The following SPTBN2 variants were observed in gnomAD, a reference collection of about 807,000 sequenced individuals.
SPTBN2 encodes the protein spectrin beta, non-erythrocytic 2.
Under a neutral mutation model 284.2 loss-of-function variants are expected in SPTBN2, and 107 were observed. That is an observed-to-expected ratio of 0.38 (90% confidence interval 0.32 to 0.44). SPTBN2 has a LOEUF of 0.44. Ranked by LOEUF, SPTBN2 falls within the 20% of genes least tolerant of loss-of-function variation. The probability of loss-of-function intolerance (pLI) is 1.00; values close to 1 mark genes in which losing one functional copy is unlikely to be tolerated. For synonymous variants in SPTBN2, 1,289 were observed against 1,354.8 expected (o/e 0.95, Z 1.07); for missense variants, 2,569 against 3,287.1 (o/e 0.78, Z 5.34).
In SPTBN2 at chr11:66,700,142, T is replaced by TG. The variant is rs1481253769; in HGVS notation, c.3573+383dup. On this transcript the variant is annotated intron_variant, in intron 17 of 37. Transcript: ENST00000533211. This position sits in a 1 kb window ranked among gnomAD's most constrained non-coding sequence, Gnocchi z 6.6. ...AGTTAATTTTTTTTTTTCATAGAGA[T>TG]GGGGGTCTCACTATGTTGCCCAGGC... Among the ~76,000 whole-genome samples, 1 of 151,474 alleles carries TG rather than the reference T, an allele frequency of 6.6e-6. No individual in the cohort carries two copies. Among genetic ancestry groups the TG allele is most frequent in the African/African-American group, 2.4e-5 (1 of 41,176 alleles).
At chr11:66,737,750 C>T (rs1381965288) in intron 1 of SPTBN2, among the ~76,000 whole-genome samples, 2 of 152,122 alleles carry the variant, frequency 1.3e-5, no homozygotes, top group African/African-American at 2.4e-5. Flanking sequence ...CCTAAACACA[C>T]TAAATACACT....
intron 8 of SPTBN2, among the ~76,000 whole-genome samples, chr11:66,711,331 A>C (rs1203429770): frequency 1.3e-5 from 2 of 152,244 alleles, no homozygotes; most frequent in Non-Finnish European, 2.9e-5. Context: ...GAAAAGCAAG[A>C]AAAGAAACAG....
chr11:66,689,292 G>T, intron 29 of SPTBN2, 112 bp from the exon 30 acceptor site: 1 of 1,216,746 alleles, frequency 8.2e-7, no homozygotes, highest in Non-Finnish European at 1.1e-6. Flanking sequence ...TCTTTTTTTT[G>T]AGACGGAGTT....
Position 66,693,600 on chromosome 11 carries a change from C to T in SPTBN2, c.4594-154G>A, listed in dbSNP as rs1478393611. The stretch of plus-strand genomic sequence containing the variant: ...GCGATGGTAACACCCGTCAGCCGCC[C>T]AGCCCCCACTATCTCCTACTGAGAG... On this transcript the variant is annotated intron_variant, in intron 23 of 37. Transcript: ENST00000533211. This position sits in a 1 kb window ranked among gnomAD's most constrained non-coding sequence, Gnocchi z 5.7. Among the ~76,000 whole-genome samples the T allele has an allele frequency of 6.6e-6, 1 of 152,310 alleles. No individual in the cohort carries two copies. Among genetic ancestry groups the T allele is most frequent in the East Asian group, 1.9e-4 (1 of 5,180 alleles).
chr11:66,724,039 G>A (rs1442636590), intron 1 of SPTBN2, among the ~76,000 whole-genome samples: 3 of 152,130 alleles, frequency 2.0e-5, no homozygotes, highest in Non-Finnish European at 4.4e-5. Flanking sequence ...CCCCCGCTTC[G>A]GTTTCCATGA....
At chr11:66,694,946 G>A (rs571990771) in intron 21 of SPTBN2, among the ~76,000 whole-genome samples, 6 of 152,192 alleles carry the variant, frequency 3.9e-5, no homozygotes, top group Non-Finnish European at 8.8e-5. Flanking sequence ...CAAGAGATCC[G>A]GTGGCTCTTA....
Position 66,701,681 on chromosome 11 carries a change from G to T in SPTBN2, c.2719C>A (p.Gln907Lys). The T allele has an allele frequency of 5.0e-6, 8 of 1,614,050 alleles. No homozygotes were observed. Among genetic ancestry groups the T allele is most frequent in the Non-Finnish European group, 6.8e-6 (8 of 1,180,018 alleles). Residue 907 changes from glutamine (Q) to lysine (K), a missense_variant, in exon 16 of 38, where the codon CAA becomes AAA. Gln to Lys is a moderately conservative substitution (Grantham distance 53). Transcript: ENST00000533211. The part of the protein sequence containing the change: ...LEPEMNTLAA[Q>K]ITAVNDIAEQ... ...GCAATGTCATTCACCGCGGTGATTT[G>T]TGCTGCAAGGGTGTTCATTTCAGGC...
Position 66,700,792 on chromosome 11 carries a change from G to A in SPTBN2, c.3307C>T (p.Leu1103Phe). The A allele has an allele frequency of 1.2e-6, 2 of 1,601,362 alleles. No individual in the cohort carries two copies. Among genetic ancestry groups the A allele is most frequent in the Non-Finnish European group, 8.5e-7 (1 of 1,179,808 alleles). ...GPATLPEAEA[L>F]LAQHAALRGE... is the part of the protein sequence containing the mutation. ...CGCAGGGCTGCATGTTGGGCCAGGA[G>A]GGCCTCTGCCTCAGGCAGGGTGGCC... The change falls in exon 17 of 38, where the codon CTC becomes TTC. Residue 1103 changes from leucine (L) to phenylalanine (F), a missense_variant. Leu to Phe is a conservative substitution (Grantham distance 22). This residue lies in a region of SPTBN2 where 1,012 missense variants were observed against 1,248.9 expected (regional missense o/e 0.81). Coordinates refer to ENST00000533211, the MANE Select transcript of SPTBN2 (RefSeq NM_006946.4). The surrounding 1 kb of genome is among the most constrained non-coding windows in gnomAD (Gnocchi z 6.6).
intron 25 of SPTBN2, 27 bp downstream of exon 25, chr11:66,692,943 G>C (rs1485763735): frequency 2.5e-6 from 4 of 1,600,044 alleles, no homozygotes; most frequent in Non-Finnish European, 3.4e-6. Context: ...CCACCCCCAG[G>C]CTGGGCCGGG....
At chr11:66,731,064 A>C (rs1942805830), upstream of SPTBN2, among the ~76,000 whole-genome samples, 1 of 152,242 alleles carries the variant, frequency 6.6e-6, no homozygotes, top group Non-Finnish European at 1.5e-5. Context: ...CCTAGGATTC[A>C]GTTTCCTTAC....
chr11:66,721,921 C>A (rs949917138), intron 1 of SPTBN2, among the ~76,000 whole-genome samples: 2 of 152,020 alleles, frequency 1.3e-5, no homozygotes, highest in African/African-American at 4.8e-5. Flanking sequence ...GTGGCAGGCG[C>A]CTGTAATCCC....
In SPTBN2 at chr11:66,718,352, G is replaced by C. The variant is rs1942237919; in HGVS notation, c.158-2371C>G. Among the ~76,000 whole-genome samples the C allele has an allele frequency of 6.6e-6, 1 of 152,208 alleles. No homozygotes were observed. The highest frequency in any genetic ancestry group is 6.5e-5 in the Admixed American group (1 of 15,288). The stretch of plus-strand genomic sequence containing the variant: ...AAACACTGGAGTCACACTGTGTCCT[G>C]TGCCAGGTCCTCAGCTCCGGCCACT... On this transcript the variant is annotated intron_variant, in intron 3 of 37. Coordinates refer to ENST00000533211, the MANE Select transcript of SPTBN2 (RefSeq NM_006946.4). The surrounding 1 kb of genome is among the most constrained non-coding windows in gnomAD (Gnocchi z 4.8).
chr11:66,726,156 A>T (rs1565161855), intron 1 of SPTBN2, among the ~76,000 whole-genome samples: 2 of 151,972 alleles, frequency 1.3e-5, no homozygotes, highest in Non-Finnish European at 2.9e-5. Context: ...ACTATAATTC[A>T]TTTTTTTTGG....
Position 66,710,943 on chromosome 11 carries a change from C to T in SPTBN2, c.859G>A (p.Ala287Thr). Residue 287 changes from alanine to threonine, a missense_variant, in exon 9 of 38, where the codon GCC becomes ACC. By Grantham distance (58) the Ala-to-Thr change is moderately conservative (BLOSUM62 0). This residue lies in a region of SPTBN2 where 304 missense variants were observed against 522.1 expected (regional missense o/e 0.58). Transcript: ENST00000533211. This position sits in a 1 kb window ranked among gnomAD's most constrained non-coding sequence, Gnocchi z 4.9. ...TTGCCAATTCTCTTGCCTTCCACGG[C>T]CAGGGCCTTCATCTTGGAGAAGTAA... is the stretch of plus-strand genomic sequence containing the variant. ...YHYFSKMKAL[A>T]VEGKRIGKVL... 1 of 1,614,254 alleles carries T rather than the reference C, an allele frequency of 6.2e-7. No individual in the cohort carries two copies. The highest frequency in any genetic ancestry group is 8.5e-7 in the Non-Finnish European group (1 of 1,180,050).
chr11:66,699,911 T>G (rs1295471981), intron 17 of SPTBN2, among the ~76,000 whole-genome samples: 1 of 152,244 alleles, frequency 6.6e-6, no homozygotes, highest in African/African-American at 2.4e-5. Flanking sequence ...AAAGTCAGTT[T>G]TAGTAAATTA....
Position 66,721,277 on chromosome 11 carries a change from T to C in SPTBN2, c.-22-15A>G, listed in dbSNP as rs1355680817. On this transcript the variant is annotated splice_polypyrimidine_tract_variant and intron_variant, in intron 2 of 37. Transcript: ENST00000533211. ...GCTTCCTGCTCCTGCAAGGAGAATG[T>C]GGCCAGTGAGGGGTGTCCAGGGACC... The C allele has an allele frequency of 3.7e-6, 6 of 1,613,812 alleles. No homozygotes were observed. The highest frequency in any genetic ancestry group is 5.1e-6 in the Non-Finnish European group (6 of 1,179,938).
chr11:66,729,688 C>A (rs1287567028), upstream of SPTBN2, among the ~76,000 whole-genome samples: 1 of 152,142 alleles, frequency 6.6e-6, no homozygotes, highest in Non-Finnish European at 1.5e-5. Context: ...TTGGGGAGTT[C>A]CATTGAAAGA....
At chr11:66,695,596 T>C (rs956211931) in intron 21 of SPTBN2, among the ~76,000 whole-genome samples, 10 of 152,236 alleles carry the variant, frequency 6.6e-5, no homozygotes, top group Admixed American at 6.5e-4. Context: ...CAGCTGCTTT[T>C]CCTTACAAGG....
At position 66,691,581 on chromosome 11, in the gene SPTBN2, C is replaced by T. The variant is rs766648154; in HGVS notation, c.5268G>A (p.Ala1756=). 8 of 1,613,622 alleles carry T rather than the reference C, an allele frequency of 5.0e-6. No homozygotes were observed. Among genetic ancestry groups the T allele is most frequent in the Middle Eastern group, 1.6e-4 (1 of 6,084 alleles). ...IGQERVDSAN[A]LANGLIAGGH... ...CCCCAGCAATGAGCCCATTGGCCAG[C>T]GCATTGGCGCTATCTACGCGCTCCT... The change falls in exon 27 of 38, where the codon GCG becomes GCA. Residue 1756 remains alanine (A), a synonymous_variant. Coordinates refer to ENST00000533211, the MANE Select transcript of SPTBN2 (RefSeq NM_006946.4). This position sits in a 1 kb window ranked among gnomAD's most constrained non-coding sequence, Gnocchi z 8.0.
Sources: allele counts gnomAD v4.1 joint callset (sites outside exome capture counted in the v4.1 genomes callset), GRCh38; gene constraint gnomAD v4.1.1; regional missense constraint gnomAD v4.1.1; non-coding constraint Gnocchi (gnomAD v3.1); transcripts MANE v1.5; gene names NCBI Gene and HGNC (gene_info 2026-07-23, HGNC 2026-07-21).